Variants in ZNF804A observed in about 807,000 individuals in gnomAD.
ZNF804A encodes zinc finger protein 804A.
Under a neutral mutation model 16.5 loss-of-function variants are expected in ZNF804A, and 2 were observed. That is an observed-to-expected ratio of 0.12 (90% CI 0.05 to 0.38). ZNF804A has a LOEUF of 0.38. Among genes scored for constraint, ZNF804A ranks in the 10% least tolerant of loss-of-function variants. The pLI is 0.99. For synonymous variants in ZNF804A, 534 were observed against 489.6 expected (o/e 1.09, Z -1.20); for missense variants, 1,473 against 1,390.7 (o/e 1.06, Z -0.94).
At chr2:184,880,003 A>G (rs1382287956) in intron 2 of ZNF804A, among the ~76,000 whole-genome samples, 5 of 152,044 alleles carry the variant, frequency 3.3e-5, no homozygotes, top group Non-Finnish European at 5.9e-5. Flanking sequence ...AAATGTAGCA[A>G]TTACATGTTA....
chr2:184,749,871 A>G lies in ZNF804A; in HGVS notation c.112-116498A>G, dbSNP rs147163574. 1.9e-3 allele frequency among the ~76,000 whole-genome samples: 283 copies of G among 151,368 alleles called. 1 individual carries two copies. Among genetic ancestry groups the G allele is most frequent in the Middle Eastern group, 6.8e-3 (2 of 294 alleles). ...CATTTGAAATTCTCACTCATTGATT[A>G]CTTTAATACTAACTATTACAAAAGA... On this transcript the variant is annotated intron_variant, in intron 1 of 3. Coordinates refer to ENST00000302277, the MANE Select transcript of ZNF804A (RefSeq NM_194250.2).
intron 2 of ZNF804A, among the ~76,000 whole-genome samples, chr2:184,914,231 T>C (rs1407314251): frequency 6.6e-6 from 1 of 152,162 alleles, no homozygotes; most frequent in East Asian, 1.9e-4. Flanking sequence ...TTACATGCTT[T>C]TCAGTAGGAG....
At chr2:184,687,157 G>C (rs955153825) in intron 1 of ZNF804A, among the ~76,000 whole-genome samples, 4 of 152,102 alleles carry the variant, frequency 2.6e-5, no homozygotes, top group African/African-American at 9.7e-5. Flanking sequence ...AGCTTGAGTT[G>C]CTACACTTAA....
intron 1 of ZNF804A, among the ~76,000 whole-genome samples, chr2:184,718,519 A>T (rs966666425): frequency 6.6e-6 from 1 of 152,238 alleles, no homozygotes; most frequent in Admixed American, 6.5e-5. Context: ...TGAAATAAAA[A>T]GCAAGTTAGT....
At chr2:184,905,581 A>G (rs1315410589) in intron 2 of ZNF804A, among the ~76,000 whole-genome samples, 1 of 151,868 alleles carries the variant, frequency 6.6e-6, no homozygotes, top group African/African-American at 2.4e-5. Context: ...GTGATGTGTT[A>G]TTTTTTCTGT....
At chr2:184,823,190 T>A (rs182717036) in intron 1 of ZNF804A, among the ~76,000 whole-genome samples, 2 of 152,106 alleles carry the variant, frequency 1.3e-5, no homozygotes, top group Admixed American at 1.3e-4. Context: ...GAGGGGAGGA[T>A]TACAGTGTCT....
chr2:184,786,617 A>G (rs1183498163), intron 1 of ZNF804A, among the ~76,000 whole-genome samples: 1 of 151,932 alleles, frequency 6.6e-6, no homozygotes, highest in Non-Finnish European at 1.5e-5. Flanking sequence ...CCTTTCTCCT[A>G]ATTCCTTTTT....
intron 1 of ZNF804A, among the ~76,000 whole-genome samples, chr2:184,631,832 T>C (rs1207758529): frequency 6.6e-6 from 1 of 152,210 alleles, no homozygotes; most frequent in Non-Finnish European, 1.5e-5. Flanking sequence ...TAAAGGAAGA[T>C]AGTATATTAA....
intron 1 of ZNF804A, among the ~76,000 whole-genome samples, chr2:184,661,061 T>G (rs1264208202): frequency 6.6e-6 from 1 of 152,354 alleles, no homozygotes; most frequent in Admixed American, 6.5e-5. Flanking sequence ...ATTAATAATT[T>G]TATCTTTAAA....
At chr2:184,770,258 C>A (rs1317143694) in intron 1 of ZNF804A, among the ~76,000 whole-genome samples, 1 of 152,028 alleles carries the variant, frequency 6.6e-6, no homozygotes, top group Non-Finnish European at 1.5e-5. Flanking sequence ...TCCTTTTATA[C>A]TTAGAATTCA....
chr2:184,681,697 C>T (rs979003489), intron 1 of ZNF804A, among the ~76,000 whole-genome samples: 1 of 152,218 alleles, frequency 6.6e-6, no homozygotes, highest in African/African-American at 2.4e-5. Context: ...AGGGGAAGTG[C>T]AGCCCGGACT....
intron 1 of ZNF804A, among the ~76,000 whole-genome samples, chr2:184,734,109 G>A (rs1324756788): frequency 1.3e-5 from 2 of 151,602 alleles, no homozygotes; most frequent in African/African-American, 2.4e-5. Context: ...GGATCTTGCC[G>A]TGTCACCCAG....
intron 1 of ZNF804A, among the ~76,000 whole-genome samples, chr2:184,814,110 T>C (rs1224918521): frequency 1.3e-5 from 2 of 150,574 alleles, no homozygotes; most frequent in Non-Finnish European, 3.0e-5. Context: ...GAAGACTGAT[T>C]TCTCTCAGGG....
At chr2:184,611,732 A>C (rs895788370) in intron 1 of ZNF804A, among the ~76,000 whole-genome samples, 1 of 152,206 alleles carries the variant, frequency 6.6e-6, no homozygotes, top group Non-Finnish European at 1.5e-5. Flanking sequence ...GATTAATAAC[A>C]TTGTCAAATA....
At chr2:184,664,634 C>T (rs1692227652) in intron 1 of ZNF804A, among the ~76,000 whole-genome samples, 1 of 151,814 alleles carries the variant, frequency 6.6e-6, no homozygotes, top group Non-Finnish European at 1.5e-5. Flanking sequence ...ATCGATTTCT[C>T]AGTTCATCTT....
At chr2:184,644,491 A>T (rs575092721) in intron 1 of ZNF804A, among the ~76,000 whole-genome samples, 3 of 151,984 alleles carry the variant, frequency 2.0e-5, no homozygotes, top group East Asian at 3.9e-4. Flanking sequence ...ATATAAAATT[A>T]AAAAATCTGT....
intron 1 of ZNF804A, among the ~76,000 whole-genome samples, chr2:184,856,591 C>T (rs1013577313): frequency 5.9e-5 from 9 of 151,954 alleles, no homozygotes; most frequent in South Asian, 4.1e-4. Flanking sequence ...TTATCAGTTG[C>T]GTATAAATTC....
chr2:184,873,412 T>C (rs991514428), intron 2 of ZNF804A, among the ~76,000 whole-genome samples: 4 of 152,108 alleles, frequency 2.6e-5, no homozygotes, highest in African/African-American at 9.7e-5. Context: ...CGCTTGAGCC[T>C]GGGAGATCGA....
At position 184,604,337 on chromosome 2, in the gene ZNF804A, AT is replaced by A. The variant is rs371947465; in HGVS notation, c.111+5276del. 7.4e-5 allele frequency among the ~76,000 whole-genome samples: 11 copies of A among 149,202 alleles called. No homozygotes were observed. In the East Asian group the frequency reaches 7.9e-4, roughly 11 times the overall value. On this transcript the variant is annotated intron_variant, in intron 1 of 3. Coordinates refer to ENST00000302277, the MANE Select transcript of ZNF804A (RefSeq NM_194250.2). ...AGGTGCCCGCCATCGCGCCCGGCTAATTTTTTTTTGTATTTTTAGTAGAGAC... is the reference window on the plus strand; with the variant it reads ...AGGTGCCCGCCATCGCGCCCGGCTAATTTTTTTTGTATTTTTAGTAGAGAC...
Sources: allele counts gnomAD v4.1 joint callset (sites outside exome capture counted in the v4.1 genomes callset), GRCh38; gene constraint gnomAD v4.1.1; transcripts MANE v1.5; gene names NCBI Gene and HGNC (gene_info 2026-07-23, HGNC 2026-07-21).